LRBA: variants seen among roughly 807,000 people sequenced by gnomAD.
LRBA encodes the protein LPS responsive beige-like anchor protein, also known as lipopolysaccharide-responsive and beige-like anchor protein.
LRBA carries 176 observed loss-of-function variants against 330.0 expected under a neutral mutation model. The observed-to-expected ratio is 0.53, with a 90% confidence interval of 0.47 to 0.60. The LOEUF (loss-of-function observed/expected upper bound fraction) is 0.60. LRBA is among the 20% of genes least tolerant of loss of function. The probability of loss-of-function intolerance (pLI) is 0.00; values close to 1 mark genes in which losing one functional copy is unlikely to be tolerated. For missense variants in LRBA, 3,259 were observed against 3,444.8 expected (o/e 0.95, Z 1.35); for synonymous variants, 1,230 against 1,193.0 (o/e 1.03, Z -0.64).
At chr4:150,548,722 GC>G (rs1247400228) in intron 40 of LRBA, among the ~76,000 whole-genome samples, 10 of 152,082 alleles carry the variant, frequency 6.6e-5, no homozygotes, top group Admixed American at 6.6e-4. Context: ...CTCAATAAGT[GC>G]TACTTATTAT....
chr4:150,473,523 G>A (rs1756382690), intron 42 of LRBA, among the ~76,000 whole-genome samples: 1 of 152,088 alleles, frequency 6.6e-6, no homozygotes, highest in Non-Finnish European at 1.5e-5. Flanking sequence ...AGTCAATTGA[G>A]GACTGAATAC....
chr4:150,660,883 G>C (rs1781005251), intron 37 of LRBA, among the ~76,000 whole-genome samples: 2 of 117,536 alleles, frequency 1.7e-5, no homozygotes, highest in South Asian at 6.8e-4. Context: ...TGCTCGTTAA[G>C]AGTCATCACC....
chr4:150,870,059 A>C (rs900520413), intron 20 of LRBA, among the ~76,000 whole-genome samples: 2 of 152,214 alleles, frequency 1.3e-5, no homozygotes, highest in Non-Finnish European at 2.9e-5. Flanking sequence ...CAAGATGAAA[A>C]AGGTATACTT....
chr4:150,830,053 T>G (rs1253241345), intron 29 of LRBA, among the ~76,000 whole-genome samples: 1 of 152,176 alleles, frequency 6.6e-6, no homozygotes, highest in Non-Finnish European at 1.5e-5. Context: ...ACCAACCTAA[T>G]CCAACCCACC....
intron 21 of LRBA, 133 bp from the exon 22 acceptor site, chr4:150,867,996 G>C (rs1464561629): frequency 1.1e-6 from 1 of 904,078 alleles, no homozygotes; most frequent in Non-Finnish European, 1.6e-6. Context: ...TATACATTAA[G>C]AACAATTCGA....
chr4:150,351,577 T>C (rs1406345520), intron 47 of LRBA, among the ~76,000 whole-genome samples: 1 of 152,080 alleles, frequency 6.6e-6, no homozygotes, highest in Non-Finnish European at 1.5e-5. Flanking sequence ...TAGTCCCAGC[T>C]ACCCGGGAGG....
chr4:150,524,222 C>G (rs188166657), intron 40 of LRBA, among the ~76,000 whole-genome samples: 9 of 152,236 alleles, frequency 5.9e-5, no homozygotes, highest in Admixed American at 2.6e-4. Context: ...ATGGGAACAG[C>G]AGAAATTAAT....
At chr4:150,274,081 C>T (rs1026399816) in intron 56 of LRBA, among the ~76,000 whole-genome samples, 6 of 152,072 alleles carry the variant, frequency 3.9e-5, no homozygotes, top group Non-Finnish European at 1.5e-5. Flanking sequence ...TCAGCAAATG[C>T]AAAAGAATGG....
chr4:150,700,224 C>T (rs1784985925), intron 36 of LRBA, among the ~76,000 whole-genome samples: 1 of 151,850 alleles, frequency 6.6e-6, no homozygotes, highest in Admixed American at 6.6e-5. Context: ...ACAGAAAAGC[C>T]ACAATTTATA....
intron 53 of LRBA, among the ~76,000 whole-genome samples, chr4:150,294,752 C>T (rs923501816): frequency 6.6e-6 from 1 of 152,150 alleles, no homozygotes; most frequent in African/African-American, 2.4e-5. Context: ...GAGATTGAGA[C>T]CATCATGGCC....
intron 40 of LRBA, among the ~76,000 whole-genome samples, chr4:150,537,510 C>T (rs1230988180): frequency 6.6e-6 from 1 of 152,144 alleles, no homozygotes; most frequent in Non-Finnish European, 1.5e-5. Context: ...AGAGCTTCTG[C>T]ACACCAAAAG....
chr4:150,694,194 T>G (rs1199700126), intron 36 of LRBA, among the ~76,000 whole-genome samples: 1 of 152,132 alleles, frequency 6.6e-6, no homozygotes, highest in Admixed American at 6.5e-5. Context: ...CTGTACATCA[T>G]TCCATGTCAG....
At chr4:150,495,176 C>T (rs1235098216) in intron 40 of LRBA, among the ~76,000 whole-genome samples, 1 of 152,200 alleles carries the variant, frequency 6.6e-6, no homozygotes, top group East Asian at 1.9e-4. Context: ...TCCTCTGTCA[C>T]AGCCAATCAC....
At chr4:150,315,311 C>A in intron 51 of LRBA, 2 of 560,258 alleles carry the variant, frequency 3.6e-6, no homozygotes, top group Non-Finnish European at 6.3e-6. Context: ...CTCAATCACA[C>A]ATTATTACAG....
intron 2 of LRBA, among the ~76,000 whole-genome samples, chr4:151,011,533 G>A (rs1217181029): frequency 6.7e-6 from 1 of 150,330 alleles, no homozygotes; most frequent in African/African-American, 2.4e-5. Flanking sequence ...AGGAGGCAGA[G>A]GTTGCAGGGA....
chr4:150,466,942 C>T (rs1755519966), intron 44 of LRBA, among the ~76,000 whole-genome samples: 2 of 151,996 alleles, frequency 1.3e-5, no homozygotes, highest in South Asian at 4.2e-4. Flanking sequence ...GATATTAATT[C>T]CCACTATAAG....
chr4:150,591,582 AT>A (rs1772840076), intron 38 of LRBA, among the ~76,000 whole-genome samples: 1 of 152,168 alleles, frequency 6.6e-6, no homozygotes, highest in Non-Finnish European at 1.5e-5. Context: ...CCTCCTCTGC[AT>A]GTTTAAACTA....
Position 150,979,813 on chromosome 4 carries a change from T to C in LRBA, c.216+34614A>G, listed in dbSNP as rs2912478. Reference sequence around the variant, plus strand: ...GTCTAAACAGACCAATAACAAGTAATGAGATTGAAGCCATAATAAAGTGTC... The same window carrying C: ...GTCTAAACAGACCAATAACAAGTAACGAGATTGAAGCCATAATAAAGTGTC... On this transcript the variant is annotated intron_variant, in intron 2 of 56. Transcript: ENST00000651943. 7.1e-3 allele frequency among the ~76,000 whole-genome samples: 1,085 copies of C among 152,216 alleles called. 7 individuals are homozygous for C. Among genetic ancestry groups the C allele is most frequent in the Middle Eastern group, 0.024 (7 of 294 alleles).
At chr4:150,997,129 C>T (rs565887892) in intron 2 of LRBA, among the ~76,000 whole-genome samples, 14 of 152,210 alleles carry the variant, frequency 9.2e-5, no homozygotes, top group African/African-American at 3.4e-4. Context: ...AATAACTTGA[C>T]GTGACTGTTC....
Sources: gnomAD v4.1 joint callset for allele counts (sites outside exome capture counted in the v4.1 genomes callset) on GRCh38, gnomAD v4.1.1 for gene constraint, MANE v1.5 for transcripts, NCBI Gene and HGNC (gene_info 2026-07-23, HGNC 2026-07-21) for gene names.